FAM53A: variants seen among roughly 807,000 people sequenced by gnomAD.
FAM53A encodes the protein family with sequence similarity 53 member A.
Under a neutral mutation model 26.6 loss-of-function variants are expected in FAM53A, and 28 were observed. That is an observed-to-expected ratio of 1.05 (90% CI 0.78 to 1.45). The LOEUF is 1.45. Ranked by LOEUF, FAM53A falls within the 40% of genes most tolerant of loss-of-function variation. The pLI is 0.00. For synonymous variants in FAM53A, 290 were observed against 253.1 expected (o/e 1.15, Z -1.38); for missense variants, 650 against 575.8 (o/e 1.13, Z -1.32).
At chr4:1,639,061 A>T (rs1318043748), downstream of FAM53A, among the ~76,000 whole-genome samples, 1 of 152,034 alleles carries the variant, frequency 6.6e-6, no homozygotes, top group Non-Finnish European at 1.5e-5. Context: ...CTCATCTCTG[A>T]CGCCCTCCCC....
At chr4:1,639,223 C>A (rs559548374), downstream of FAM53A, among the ~76,000 whole-genome samples, 5 of 152,324 alleles carry the variant, frequency 3.3e-5, no homozygotes, top group East Asian at 9.6e-4. Context: ...CACAGCCAGC[C>A]TCTGACCTGA....
chr4:1,578,675 C>G, the FAM53A span, among the ~76,000 whole-genome samples: 2 of 149,608 alleles, frequency 1.3e-5, no homozygotes, highest in Non-Finnish European at 1.5e-5. Flanking sequence ...CCGAACCGCC[C>G]TCTGCAGACA....
At chr4:1,658,637 C>G (rs1713595259) in intron 2 of FAM53A, among the ~76,000 whole-genome samples, 1 of 152,248 alleles carries the variant, frequency 6.6e-6, no homozygotes, top group Non-Finnish European at 1.5e-5. Flanking sequence ...AGGGAGGGCA[C>G]TAAGGGAAAT....
intron 4 of FAM53A, among the ~76,000 whole-genome samples, chr4:1,648,806 CAAA>C (rs1259455464): frequency 2.6e-5 from 4 of 152,208 alleles, no homozygotes; most frequent in Admixed American, 1.3e-4. Flanking sequence ...GGCTCATTAA[CAAA>C]GTCACTGAAG....
intron 4 of FAM53A, among the ~76,000 whole-genome samples, chr4:1,643,301 C>A (rs1232319537): frequency 6.6e-6 from 1 of 151,934 alleles, no homozygotes; most frequent in Non-Finnish European, 1.5e-5. Flanking sequence ...CCCGTCTCTA[C>A]TAAAAATACA....
intron 1 of FAM53A, among the ~76,000 whole-genome samples, chr4:1,679,684 T>TTAA: frequency 8.9e-6 from 1 of 112,484 alleles, no homozygotes; most frequent in Admixed American, 9.4e-5. Context: ...GAAACTCCAT[T>TTAA]AAAAAAAAAA....
intron 2 of FAM53A, among the ~76,000 whole-genome samples, chr4:1,665,620 C>T (rs1049896916): frequency 3.9e-5 from 6 of 152,184 alleles, no homozygotes; most frequent in Non-Finnish European, 5.9e-5. Context: ...AAACCATCTT[C>T]GACAGCAACA....
intron 4 of FAM53A, among the ~76,000 whole-genome samples, chr4:1,648,650 G>C (rs1176256681): frequency 6.6e-6 from 1 of 152,192 alleles, no homozygotes; most frequent in Non-Finnish European, 1.5e-5. Context: ...GCAGACCAAA[G>C]CGGCTGAATT....
At chr4:1,645,868 C>T (rs1560145151) in intron 4 of FAM53A, among the ~76,000 whole-genome samples, 3 of 152,216 alleles carry the variant, frequency 2.0e-5, no homozygotes, top group South Asian at 4.1e-4. Flanking sequence ...ACAGTTTGAA[C>T]GTATACCTCC....
At chr4:1,605,161 C>T in the FAM53A span, among the ~76,000 whole-genome samples, 1 of 152,228 alleles carries the variant, frequency 6.6e-6, no homozygotes, top group Admixed American at 6.5e-5. This position sits in a 1 kb window ranked among gnomAD's most constrained non-coding sequence, Gnocchi z 5.7. Flanking sequence ...TTTCACGATG[C>T]CCACGGCCTC....
At chr4:1,631,630 G>A (rs1458913021) in intron 1 of FAM53A, among the ~76,000 whole-genome samples, 4 of 152,136 alleles carry the variant, frequency 2.6e-5, no homozygotes, top group Admixed American at 1.3e-4. Flanking sequence ...CAGAGAAAGA[G>A]AGTGGGGAGA....
At chr4:1,663,195 A>G (rs1345046561) in intron 2 of FAM53A, among the ~76,000 whole-genome samples, 2 of 152,156 alleles carry the variant, frequency 1.3e-5, no homozygotes, top group African/African-American at 2.4e-5. Flanking sequence ...CTGCCTCAAG[A>G]AAAAAAGAGT....
At chr4:1,575,972 AC>A in the FAM53A span, among the ~76,000 whole-genome samples, 33 of 151,194 alleles carry the variant, frequency 2.2e-4, 1 homozygote, top group South Asian at 5.1e-3. Context: ...AGAATTCCAC[AC>A]CCCCCACCTG....
At chr4:1,646,983 T>C (rs1475184705) in intron 4 of FAM53A, among the ~76,000 whole-genome samples, 1 of 152,188 alleles carries the variant, frequency 6.6e-6, no homozygotes, top group Non-Finnish European at 1.5e-5. Context: ...TTTTCAATGG[T>C]CATATTTTAA....
the FAM53A span, among the ~76,000 whole-genome samples, chr4:1,580,651 G>T: frequency 1.0e-5 from 1 of 99,610 alleles, no homozygotes; most frequent in African/African-American, 4.0e-5. Flanking sequence ...TCAGGGCCCC[G>T]CCTCCCGCCC....
At position 1,657,527 on chromosome 4, in the gene FAM53A, TC is replaced by T. The variant is rs1349956248; in HGVS notation, c.76-60del. 5 of 1,443,682 alleles carry T rather than the reference TC, an allele frequency of 3.5e-6. No individual in the cohort carries two copies. In the East Asian group the frequency reaches 9.2e-5, roughly 27 times the overall value. The allele number at this position is 1,443,682 out of a possible 1,614,324, so 89.4% of individuals were successfully genotyped here. On this transcript the variant is annotated intron_variant, in intron 2 of 4. Transcript: ENST00000308132. ...GACACGTGAGAATTCGGCAATAATATCCCCCATTTTCATCACTGCAGCACGT... is the reference window on the plus strand; with the variant it reads ...GACACGTGAGAATTCGGCAATAATATCCCCATTTTCATCACTGCAGCACGT...
chr4:1,598,667 C>T, the FAM53A span, among the ~76,000 whole-genome samples: 1 of 152,236 alleles, frequency 6.6e-6, no homozygotes, highest in South Asian at 2.1e-4. Flanking sequence ...AAAAGAGCCA[C>T]TGATATATGT....
rs750459781 is a variant in FAM53A at position 1,655,595 on chromosome 4, G to A, written c.265C>T (p.Gln89Ter). 2.5e-6 allele frequency: 4 copies of A among 1,588,188 alleles called. No homozygotes were observed. Among genetic ancestry groups the A allele is most frequent in the African/African-American group, 2.7e-5 (2 of 73,998 alleles). ...AGGCCTGCGCCTGGGCGCGGGGACT[G>A]TGGCTGCCACTGAAGACCCATGGTG... ...AHTMGLQWQP[Q>*]SPRPGAGLGA... Residue 89 changes from glutamine to a stop codon, truncating the protein, a stop_gained, in exon 4 of 5, where the codon CAG becomes TAG. Transcript: ENST00000308132. LOFTEE classifies it high-confidence loss of function.
chr4:1,685,802 G>A (rs1379158605), upstream of FAM53A, among the ~76,000 whole-genome samples: 1 of 152,170 alleles, frequency 6.6e-6, no homozygotes, highest in Non-Finnish European at 1.5e-5. Flanking sequence ...AAGTGTCTTT[G>A]TGACATGGAC....
Sources: gnomAD v4.1 joint callset for allele counts (sites outside exome capture counted in the v4.1 genomes callset) on GRCh38, gnomAD v4.1.1 for gene constraint, Gnocchi (gnomAD v3.1) non-coding constraint, MANE v1.5 for transcripts, NCBI Gene and HGNC (gene_info 2026-07-23, HGNC 2026-07-21) for gene names.